Variants in HDAC9 observed in about 807,000 individuals in gnomAD.
HDAC9 encodes MEF-2 interacting transcription repressor (MITR) protein.
In HDAC9, 41 loss-of-function variants were observed where a neutral mutation model predicts 139.4. That is an observed-to-expected ratio of 0.29 (90% CI 0.23 to 0.38). HDAC9 has a LOEUF of 0.38. Among genes scored for constraint, HDAC9 ranks in the 10% least tolerant of loss-of-function variants. The probability of loss-of-function intolerance (pLI) is 1.00; values close to 1 mark genes in which losing one functional copy is unlikely to be tolerated. For synonymous variants in HDAC9, 517 were observed against 476.2 expected, an observed-to-expected ratio of 1.09 and a Z score of -1.12; for missense variants, 1,147 against 1,297.0, an observed-to-expected ratio of 0.88 and a Z score of 1.78.
chr7:18,773,859 A>G (rs1790530177), intron 16 of HDAC9, among the ~76,000 whole-genome samples: 1 of 152,100 alleles, frequency 6.6e-6, no homozygotes, highest in South Asian at 2.1e-4. Flanking sequence ...AGATCCAGAT[A>G]TTCACCCCCG....
chr7:18,305,975 G>A (rs571253448), intron 1 of HDAC9, among the ~76,000 whole-genome samples: 10 of 152,078 alleles, frequency 6.6e-5, no homozygotes, highest in African/African-American at 1.9e-4. Flanking sequence ...ATTTATTCCC[G>A]CCCTCAGCAA....
intron 1 of HDAC9, among the ~76,000 whole-genome samples, chr7:18,443,827 CACATTTGTATAA>C (rs1484230759): frequency 1.0e-3 from 152 of 151,158 alleles, no homozygotes; most frequent in Middle Eastern, 6.9e-3. Flanking sequence ...TATATATATA[CACATTTGTATAA>C]ACATTTGTAT....
intron 6 of HDAC9, among the ~76,000 whole-genome samples, chr7:18,598,395 C>G (rs1241188922): frequency 6.6e-6 from 1 of 152,036 alleles, no homozygotes; most frequent in Non-Finnish European, 1.5e-5. Context: ...GAATCTTATA[C>G]TAGTTTTCTC....
At chr7:18,164,493 C>T (rs1047569681) in intron 2 of HDAC9, among the ~76,000 whole-genome samples, 8 of 152,172 alleles carry the variant, frequency 5.3e-5, no homozygotes, top group Admixed American at 5.2e-4. Flanking sequence ...CCACAAATGG[C>T]TCTAAGGAGT....
intron 12 of HDAC9, among the ~76,000 whole-genome samples, chr7:18,702,437 C>T (rs1005075725): frequency 3.9e-5 from 6 of 152,188 alleles, no homozygotes; most frequent in Non-Finnish European, 5.9e-5. Context: ...GGCGACTGTC[C>T]AGTCTGCATA....
chr7:19,001,608 T>C lies in HDAC9; in HGVS notation c.*5546T>C, dbSNP rs545729369. 1 of 151,912 alleles carries C rather than the reference T, an allele frequency of 6.6e-6. No homozygotes were observed. Among genetic ancestry groups the C allele is most frequent in the Admixed American group, 6.5e-5 (1 of 15,272 alleles). The allele number at this position is 151,912 out of a possible 1,614,324, so 9.4% of individuals were successfully genotyped here. A position where few individuals can be genotyped will look rare whatever the true frequency, so the allele number is the denominator to read the frequency against. On this transcript the variant is annotated 3_prime_UTR_variant, in exon 26 of 26. Transcript: ENST00000686413. ...AATCTGAAGTGGAATGGCACTTCCT[T>C]GGGTATGTAAGGGTTGTTTTTAGAT...
chr7:18,988,140 T>G (rs1329344929), intron 25 of HDAC9, among the ~76,000 whole-genome samples: 1 of 152,194 alleles, frequency 6.6e-6, no homozygotes, highest in African/African-American at 2.4e-5. Context: ...TTCTAGTTCT[T>G]TTAATTGTGA....
chr7:18,546,166 T>C, intron 2 of HDAC9, among the ~76,000 whole-genome samples: 1 of 152,222 alleles, frequency 6.6e-6, no homozygotes, highest in Non-Finnish European at 1.5e-5. Flanking sequence ...TGCATAGATG[T>C]TGGAAAGAGA....
intron 21 of HDAC9, among the ~76,000 whole-genome samples, chr7:18,873,396 A>G (rs954417917): frequency 6.6e-6 from 1 of 152,184 alleles, no homozygotes; most frequent in African/African-American, 2.4e-5. Flanking sequence ...AAATATTTCA[A>G]TCATTTACAT....
chr7:18,219,171 C>G (rs912290855), intron 2 of HDAC9, among the ~76,000 whole-genome samples: 1 of 152,030 alleles, frequency 6.6e-6, no homozygotes, highest in Non-Finnish European at 1.5e-5. Context: ...TTTTAAGAGT[C>G]TTATTCTTGA....
intron 21 of HDAC9, among the ~76,000 whole-genome samples, chr7:18,873,361 T>G (rs1477728622): frequency 6.6e-6 from 1 of 152,180 alleles, no homozygotes; most frequent in African/African-American, 2.4e-5. Context: ...GATAGAATTT[T>G]TATGACAGTG....
intron 14 of HDAC9, among the ~76,000 whole-genome samples, chr7:18,753,690 A>G (rs1788639805): frequency 2.0e-5 from 3 of 152,284 alleles, no homozygotes; most frequent in African/African-American, 4.8e-5. Context: ...TCATTTAGCA[A>G]TGTCGCAAAT....
chr7:18,209,686 T>G (rs976219457), intron 2 of HDAC9, among the ~76,000 whole-genome samples: 4 of 151,868 alleles, frequency 2.6e-5, no homozygotes, highest in Non-Finnish European at 4.4e-5. Context: ...CATCTTAAGG[T>G]AAAAGAGCAG....
chr7:18,145,673 G>A (rs955466023), intron 1 of HDAC9, among the ~76,000 whole-genome samples: 1 of 152,056 alleles, frequency 6.6e-6, no homozygotes, highest in Admixed American at 6.6e-5. Flanking sequence ...AGTTACAGAG[G>A]GGTATATTTT....
upstream of HDAC9, among the ~76,000 whole-genome samples, chr7:18,492,888 G>T (rs567583998): frequency 2.0e-5 from 3 of 151,984 alleles, no homozygotes; most frequent in South Asian, 2.1e-4. Flanking sequence ...AACAAGTGGG[G>T]TTTTTTGTAA....
intron 1 of HDAC9, among the ~76,000 whole-genome samples, chr7:18,122,502 A>C (rs554959036): frequency 1.3e-5 from 2 of 152,340 alleles, no homozygotes; most frequent in South Asian, 4.1e-4. Flanking sequence ...CTATATCCTT[A>C]TCTGAGTCAA....
At chr7:18,133,056 G>A (rs903013040) in intron 1 of HDAC9, among the ~76,000 whole-genome samples, 1 of 152,196 alleles carries the variant, frequency 6.6e-6, no homozygotes, top group East Asian at 1.9e-4. Context: ...ACAGCTGATA[G>A]CAGTGGTCTG....
At chr7:18,787,869 G>A (rs1791953110) in intron 16 of HDAC9, among the ~76,000 whole-genome samples, 1 of 152,096 alleles carries the variant, frequency 6.6e-6, no homozygotes. Context: ...TAATCTATCA[G>A]CCTCTTCCAG....
chr7:18,774,219 C>G (rs1327016984), intron 16 of HDAC9, among the ~76,000 whole-genome samples: 2 of 151,938 alleles, frequency 1.3e-5, no homozygotes, highest in African/African-American at 4.8e-5. Context: ...CAATGATTCT[C>G]TTAGCAATAG....
Sources: allele counts gnomAD v4.1 joint callset (sites outside exome capture counted in the v4.1 genomes callset), GRCh38; gene constraint gnomAD v4.1.1; transcripts MANE v1.5; gene names NCBI Gene and HGNC (gene_info 2026-07-23, HGNC 2026-07-21).